Variants in TNR observed in about 807,000 individuals in gnomAD.
TNR encodes tenascin-R.
A neutral mutation model predicts 150.4 loss-of-function variants in TNR; 45 were observed. That is an observed-to-expected ratio of 0.30 (90% confidence interval 0.24 to 0.38). The LOEUF (loss-of-function observed/expected upper bound fraction) is 0.38, where lower values mean the gene tolerates loss of function less well. TNR is among the 10% of genes least tolerant of loss of function. TNR has a pLI of 1.00. For missense variants in TNR, 1,544 were observed against 1,759.1 expected (o/e 0.88, Z 2.19); for synonymous variants, 687 against 678.4 (o/e 1.01, Z -0.20).
intron 20 of TNR, among the ~76,000 whole-genome samples, chr1:175,331,077 C>CTTTCTTTCCTT (rs61033216): frequency 1.7e-3 from 162 of 94,154 alleles, no homozygotes; most frequent in Middle Eastern, 5.7e-3. Context: ...TTCTTTCTTT[C>CTTTCTTTCCTT]CTTCTTTCTT....
intron 1 of TNR, among the ~76,000 whole-genome samples, chr1:175,639,743 C>T (rs1407024232): frequency 6.6e-6 from 1 of 152,224 alleles, no homozygotes; most frequent in Non-Finnish European, 1.5e-5. Context: ...TAGTCCTCAC[C>T]AGCCACCTGA....
intron 2 of TNR, among the ~76,000 whole-genome samples, chr1:175,477,130 G>A (rs532633635): frequency 1.4e-4 from 21 of 152,166 alleles, no homozygotes; most frequent in Non-Finnish European, 2.8e-4. Flanking sequence ...ATCATTTTTA[G>A]TTCCTGGGAA....
At chr1:175,515,636 T>C (rs528266201) in intron 2 of TNR, among the ~76,000 whole-genome samples, 377 of 152,292 alleles carry the variant, frequency 2.5e-3, no homozygotes, top group African/African-American at 8.8e-3. Flanking sequence ...TCCTGAATTG[T>C]TGTGCATTCC....
intron 2 of TNR, among the ~76,000 whole-genome samples, chr1:175,485,890 T>C (rs1011263394): frequency 1.3e-5 from 2 of 152,250 alleles, no homozygotes; most frequent in East Asian, 1.9e-4. Flanking sequence ...TTTTTTATTT[T>C]GTTCTCACAA....
At chr1:175,330,479 A>C (rs1571296677) in intron 20 of TNR, 1 of 353,318 alleles carries the variant, frequency 2.8e-6, no homozygotes, top group South Asian at 1.1e-4. Flanking sequence ...GGGTTCTAAT[A>C]CCTCCTCTTG....
intron 6 of TNR, among the ~76,000 whole-genome samples, chr1:175,392,012 C>T (rs1365140847): frequency 6.6e-6 from 1 of 152,114 alleles, no homozygotes; most frequent in African/African-American, 2.4e-5. Flanking sequence ...TCTTGTTTCC[C>T]CTTCACCCAG....
chr1:175,443,592 T>TA (rs1382563365), intron 2 of TNR, among the ~76,000 whole-genome samples: 1 of 152,018 alleles, frequency 6.6e-6, no homozygotes, highest in Non-Finnish European at 1.5e-5. Context: ...GGCTCTGGGG[T>TA]AGAGGGTGAG....
intron 1 of TNR, among the ~76,000 whole-genome samples, chr1:175,735,062 C>G (rs1667736496): frequency 6.6e-6 from 1 of 152,234 alleles, no homozygotes; most frequent in Admixed American, 6.5e-5. Flanking sequence ...AGTTCCATCT[C>G]TCTGTGGCAC....
chr1:175,429,064 C>T (rs1291585149), intron 2 of TNR, among the ~76,000 whole-genome samples: 2 of 152,082 alleles, frequency 1.3e-5, no homozygotes, highest in African/African-American at 4.8e-5. Flanking sequence ...GCTCAGTCCT[C>T]AGAAGGATAT....
At chr1:175,685,752 TC>T (rs1474726772) in intron 1 of TNR, among the ~76,000 whole-genome samples, 2 of 151,870 alleles carry the variant, frequency 1.3e-5, no homozygotes, top group Non-Finnish European at 2.9e-5. Flanking sequence ...TCCCAAATCA[TC>T]CCCCCAAACA....
rs754604156 is a variant in TNR at position 175,370,552 on chromosome 1, C to CTCTA, written c.1964-3259_1964-3256dup. Among the ~76,000 whole-genome samples the CTCTA allele has an allele frequency of 3.3e-5, 5 of 151,984 alleles. No individual in the cohort carries two copies. The East Asian group carries it at 9.7e-4, about 29-fold the overall frequency. ...CTCCCTGGCTGGGCCAAGTACCTAT[C>CTCTA]TCTAGATTGAGTGGGTGATTGCAAT... is the stretch of plus-strand genomic sequence containing the variant. On this transcript the variant is annotated intron_variant, in intron 9 of 22. Coordinates refer to ENST00000367674, the MANE Select transcript of TNR (RefSeq NM_003285.3).
intron 1 of TNR, among the ~76,000 whole-genome samples, chr1:175,572,954 T>G (rs1006981881): frequency 6.6e-6 from 1 of 152,074 alleles, no homozygotes; most frequent in Non-Finnish European, 1.5e-5. Context: ...CAGGGAGACA[T>G]GCCTCAAGAG....
At position 175,317,356 on chromosome 1, in the gene TNR, A is replaced by T. The variant is rs1290805981; in HGVS notation, c.*6001T>A. On this transcript the variant is annotated 3_prime_UTR_variant, in exon 23 of 23. Transcript: ENST00000367674. ...CCTTGAGAGGAAATAAAATGAGAGG[A>T]TTATATTAGATGATCTTGAGTCCCA... The T allele has an allele frequency of 2.0e-5, 3 of 152,200 alleles. No homozygotes were observed. The highest frequency in any genetic ancestry group is 3.8e-4 in the East Asian group (2 of 5,202). The allele number at this position is 152,200 out of a possible 1,614,324, so 9.4% of individuals were successfully genotyped here.
At position 175,362,629 on chromosome 1, in the gene TNR, G is replaced by A. The variant is rs1407422003; in HGVS notation, c.2854+34C>T. On this transcript the variant is annotated intron_variant, in intron 14 of 22. Coordinates refer to ENST00000367674, the MANE Select transcript of TNR (RefSeq NM_003285.3). Reference sequence around the variant, plus strand: ...AACTTCACCCAGATCTTCAGCCAGGGTTCTGACTTGACACAGCAGGGAGAC... The same window carrying A: ...AACTTCACCCAGATCTTCAGCCAGGATTCTGACTTGACACAGCAGGGAGAC... The A allele has an allele frequency of 1.9e-6, 3 of 1,604,342 alleles. No individual in the cohort carries two copies. In the South Asian group the frequency reaches 3.3e-5, roughly 18 times the overall value.
intron 1 of TNR, among the ~76,000 whole-genome samples, chr1:175,549,052 C>T (rs1053986903): frequency 5.3e-5 from 8 of 152,176 alleles, no homozygotes; most frequent in Non-Finnish European, 1.2e-4. Context: ...CATACACGTG[C>T]CAGGAGCAGC....
chr1:175,668,086 T>C (rs1354607955), intron 1 of TNR, among the ~76,000 whole-genome samples: 1 of 152,192 alleles, frequency 6.6e-6, no homozygotes, highest in Non-Finnish European at 1.5e-5. Context: ...TTATTCACAC[T>C]GTAAAAGCCC....
intron 1 of TNR, among the ~76,000 whole-genome samples, chr1:175,556,371 T>C (rs1477530031): frequency 1.3e-5 from 2 of 152,268 alleles, no homozygotes. Context: ...ACTGGTATAC[T>C]GCCTGGTACA....
chr1:175,598,822 G>A (rs953345813), intron 1 of TNR, among the ~76,000 whole-genome samples: 4 of 152,172 alleles, frequency 2.6e-5, no homozygotes, highest in South Asian at 2.1e-4. Context: ...GCACCCAGCC[G>A]CTCAGTGGCA....
chr1:175,709,734 G>C (rs942656609), intron 1 of TNR, among the ~76,000 whole-genome samples: 5 of 152,060 alleles, frequency 3.3e-5, no homozygotes, highest in Non-Finnish European at 7.4e-5. Context: ...CAACTCCAAA[G>C]CCTTTTGCTC....
Sources: allele counts gnomAD v4.1 joint callset (sites outside exome capture counted in the v4.1 genomes callset), GRCh38; gene constraint gnomAD v4.1.1; transcripts MANE v1.5; gene names NCBI Gene and HGNC (gene_info 2026-07-23, HGNC 2026-07-21).